EYS: variants seen among roughly 807,000 people sequenced by gnomAD.
EYS encodes the protein protein eyes shut homolog.
Under a neutral mutation model 282.1 loss-of-function variants are expected in EYS, and 250 were observed. The observed-to-expected ratio is 0.89, with a 90% CI of 0.80 to 0.98. The LOEUF (loss-of-function observed/expected upper bound fraction) is 0.98. EYS is among the 50% of genes least tolerant of loss of function. The pLI, the probability that EYS is intolerant of heterozygous loss-of-function variation, is 0.00. For synonymous variants in EYS, 1,355 were observed against 1,282.9 expected, an observed-to-expected ratio of 1.06 and a Z score of -1.20; for missense variants, 4,016 against 3,709.0, an observed-to-expected ratio of 1.08 and a Z score of -2.15.
At chr6:64,190,816 T>C (rs1207358496) in intron 31 of EYS, among the ~76,000 whole-genome samples, 1 of 152,170 alleles carries the variant, frequency 6.6e-6, no homozygotes, top group African/African-American at 2.4e-5. Flanking sequence ...TGAAAGAGTT[T>C]ATGTCCAAGT....
intron 12 of EYS, among the ~76,000 whole-genome samples, chr6:65,247,753 A>T (rs1767216680): frequency 6.6e-6 from 1 of 152,004 alleles, no homozygotes; most frequent in Admixed American, 6.6e-5. Flanking sequence ...GGCTAGAATC[A>T]CTCCAAATTA....
chr6:64,989,865 G>T (rs1038871601), intron 14 of EYS, among the ~76,000 whole-genome samples: 1 of 148,980 alleles, frequency 6.7e-6, no homozygotes, highest in Non-Finnish European at 1.5e-5. Flanking sequence ...CAGGTTTATT[G>T]TAGGAAGTAG....
chr6:65,554,365 A>T (rs781346780), intron 2 of EYS, among the ~76,000 whole-genome samples: 26 of 152,194 alleles, frequency 1.7e-4, no homozygotes, highest in Non-Finnish European at 2.8e-4. Flanking sequence ...GAAATTAATT[A>T]AACAATCTCT....
At chr6:64,929,430 C>T (rs1768633431) in intron 15 of EYS, among the ~76,000 whole-genome samples, 1 of 152,116 alleles carries the variant, frequency 6.6e-6, no homozygotes, top group Admixed American at 6.6e-5. Context: ...CTGTTTATCA[C>T]TGCCTGTCTT....
intron 33 of EYS, among the ~76,000 whole-genome samples, chr6:64,058,074 G>A (rs189082408): frequency 6.6e-6 from 1 of 152,250 alleles, no homozygotes. Context: ...GAGAGACCCA[G>A]TGGGAGGGTT....
intron 40 of EYS, among the ~76,000 whole-genome samples, chr6:63,773,453 G>A (rs747519794): frequency 2.0e-5 from 3 of 152,254 alleles, no homozygotes; most frequent in South Asian, 4.1e-4. Context: ...AAGGAGAGGC[G>A]GTTTCTTGGA....
At chr6:64,564,268 C>T (rs1281896380) in intron 26 of EYS, among the ~76,000 whole-genome samples, 24 of 59,342 alleles carry the variant, frequency 4.0e-4, no homozygotes, top group Admixed American at 1.0e-3. Context: ...ATCTTTTGTC[C>T]TTTTTTTTTT....
At chr6:64,225,709 A>G (rs1766233450) in intron 31 of EYS, among the ~76,000 whole-genome samples, 1 of 152,170 alleles carries the variant, frequency 6.6e-6, no homozygotes, top group South Asian at 2.1e-4. Context: ...GTATGAGAAT[A>G]GGGAGCAGGC....
intron 26 of EYS, among the ~76,000 whole-genome samples, chr6:64,473,649 C>A (rs985173057): frequency 4.0e-4 from 61 of 152,008 alleles, no homozygotes; most frequent in Non-Finnish European, 4.6e-4. Flanking sequence ...AAATGTGTTC[C>A]ATTACCTTTT....
chr6:64,815,677 CTAAAG>C, intron 21 of EYS, among the ~76,000 whole-genome samples: 1 of 152,028 alleles, frequency 6.6e-6, no homozygotes, highest in African/African-American at 2.4e-5. Flanking sequence ...AAAGAGTTCA[CTAAAG>C]TAATTTCAGA....
At chr6:65,041,309 G>C (rs1583426316) in intron 13 of EYS, among the ~76,000 whole-genome samples, 1 of 151,774 alleles carries the variant, frequency 6.6e-6, no homozygotes, top group Non-Finnish European at 1.5e-5. Context: ...CTTCCTGCCA[G>C]ACACACAAAT....
chr6:64,970,658 A>G (rs1398903279), intron 14 of EYS, among the ~76,000 whole-genome samples: 1 of 152,216 alleles, frequency 6.6e-6, no homozygotes, highest in Non-Finnish European at 1.5e-5. Context: ...CAAAGTTCTT[A>G]TAGATTTTTC....
chr6:65,703,025 G>C (rs1471187373), intron 1 of EYS, among the ~76,000 whole-genome samples: 1 of 152,104 alleles, frequency 6.6e-6, no homozygotes, highest in Non-Finnish European at 1.5e-5. Flanking sequence ...AAAAGACTGA[G>C]GTCCTCTAAA....
At chr6:65,672,592 A>G (rs1562320470) in intron 1 of EYS, among the ~76,000 whole-genome samples, 1 of 152,156 alleles carries the variant, frequency 6.6e-6, no homozygotes, top group Non-Finnish European at 1.5e-5. Flanking sequence ...TGTAACCAAC[A>G]GTTGGGCACA....
chr6:65,647,951 CA>C (rs1465618990), intron 1 of EYS, among the ~76,000 whole-genome samples: 2 of 152,082 alleles, frequency 1.3e-5, no homozygotes, highest in Non-Finnish European at 2.9e-5. Context: ...CACTAATTAT[CA>C]GGAAAATACA....
At chr6:63,885,449 T>G (rs767169389) in intron 35 of EYS, among the ~76,000 whole-genome samples, 2 of 152,184 alleles carry the variant, frequency 1.3e-5, no homozygotes, top group African/African-American at 2.4e-5. Flanking sequence ...AGTATCTCAA[T>G]GATACTCTTT....
intron 35 of EYS, among the ~76,000 whole-genome samples, chr6:63,869,372 C>A (rs1055336261): frequency 6.6e-6 from 1 of 151,490 alleles, no homozygotes; most frequent in Non-Finnish European, 1.5e-5. Context: ...TTCCTTCTTT[C>A]TTTCTCTCTC....
At chr6:65,319,020 T>G (rs1185083536) in intron 11 of EYS, among the ~76,000 whole-genome samples, 4 of 151,640 alleles carry the variant, frequency 2.6e-5, no homozygotes, top group African/African-American at 9.7e-5. Context: ...TATTTACATA[T>G]ATATGTTTAC....
At chr6:63,991,918 GA>G (rs908361925) in intron 34 of EYS, among the ~76,000 whole-genome samples, 5 of 151,710 alleles carry the variant, frequency 3.3e-5, no homozygotes, top group Admixed American at 2.6e-4. Flanking sequence ...TTGCACATCA[GA>G]AGGGAAAGGG....
Sources: allele counts gnomAD v4.1 joint callset (sites outside exome capture counted in the v4.1 genomes callset), GRCh38; gene constraint gnomAD v4.1.1; transcripts MANE v1.5; gene names NCBI Gene and HGNC (gene_info 2026-07-23, HGNC 2026-07-21).